Variants in LINC00237 observed in about 807,000 individuals in gnomAD.
The protein encoded by LINC00237 is long independently transcribed non-coding RNA 237, also known as long intergenic non-protein coding RNA 237.
intron 1 of LINC00237, among the ~76,000 whole-genome samples, chr20:21,105,235 C>A (rs1250211157): frequency 6.6e-6 from 1 of 152,130 alleles, no homozygotes; most frequent in East Asian, 1.9e-4. Flanking sequence ...CTGGTCAGGA[C>A]GCTTTAATTT....
At chr20:21,097,699 A>G (rs1600313324) in intron 1 of LINC00237, among the ~76,000 whole-genome samples, 1 of 152,174 alleles carries the variant, frequency 6.6e-6, no homozygotes, top group Non-Finnish European at 1.5e-5. Flanking sequence ...AACCCTATAC[A>G]GTAAAGTGGT....
At chr20:21,105,845 G>A (rs761610153) in intron 1 of LINC00237, among the ~76,000 whole-genome samples, 15 of 152,150 alleles carry the variant, frequency 9.9e-5, no homozygotes, top group Non-Finnish European at 2.2e-4. Flanking sequence ...GAACCCCGCC[G>A]AGCACTAGGC....
chr20:21,086,206 GAAAAGATAGTCTAGAAC>G (rs2030690500), intron 3 of LINC00237, among the ~76,000 whole-genome samples: 1 of 152,140 alleles, frequency 6.6e-6, no homozygotes, highest in Non-Finnish European at 1.5e-5. Context: ...GAACATATTT[GAAAAGATAGTCTAGAAC>G]AAAACCTGTT....
intron 3 of LINC00237, among the ~76,000 whole-genome samples, chr20:21,086,586 A>AG (rs2030698621): frequency 7.4e-6 from 1 of 134,248 alleles, no homozygotes; most frequent in Non-Finnish European, 1.6e-5. Flanking sequence ...GTGTATATAT[A>AG]GTATACACTA....
chr20:21,090,760 G>A (rs2030781204), intron 2 of LINC00237, among the ~76,000 whole-genome samples: 1 of 152,122 alleles, frequency 6.6e-6, no homozygotes, highest in African/African-American at 2.4e-5. Context: ...CTCCATGACT[G>A]CTTATTGATT....
intron 3 of LINC00237, among the ~76,000 whole-genome samples, chr20:21,086,777 C>T (rs2030712113): frequency 8.5e-6 from 1 of 117,132 alleles, no homozygotes; most frequent in Non-Finnish European, 1.7e-5. Context: ...CTATACTATA[C>T]ATGTACTATA....
intron 1 of LINC00237, among the ~76,000 whole-genome samples, chr20:21,102,883 C>G (rs1206067654): frequency 6.6e-6 from 1 of 152,132 alleles, no homozygotes; most frequent in African/African-American, 2.4e-5. Context: ...CGCCGGTGGC[C>G]GCTCACCCCG....
At chr20:21,095,781 C>T (rs143915697) in intron 1 of LINC00237, among the ~76,000 whole-genome samples, 47 of 152,318 alleles carry the variant, frequency 3.1e-4, no homozygotes, top group African/African-American at 9.6e-4. Flanking sequence ...AATGACCAAC[C>T]ACCAGCACCT....
At chr20:21,088,673 A>G (rs1264556004) in intron 2 of LINC00237, among the ~76,000 whole-genome samples, 2 of 152,210 alleles carry the variant, frequency 1.3e-5, no homozygotes, top group African/African-American at 4.8e-5. Flanking sequence ...GAAAAGAACA[A>G]CATGTCAAAT....
At chr20:21,086,657 G>GTATACTATATATATAGTATACTACA (rs1568883445) in intron 3 of LINC00237, among the ~76,000 whole-genome samples, 2 of 103,470 alleles carry the variant, frequency 1.9e-5, no homozygotes, top group African/African-American at 7.2e-5. Context: ...TACTATATAT[G>GTATACTATATATATAGTATACTACA]TATAGTATAC....
chr20:21,090,834 T>G (rs748327071), intron 2 of LINC00237, among the ~76,000 whole-genome samples: 3 of 152,188 alleles, frequency 2.0e-5, no homozygotes, highest in Non-Finnish European at 4.4e-5. Context: ...CTGAATTGTT[T>G]ACAAGTGTCT....
In LINC00237 at chr20:21,095,793, T is replaced by G. The variant is rs139825624; in HGVS notation, n.89-1941A>C. Among the ~76,000 whole-genome samples the G allele has an allele frequency of 5.6e-3, 856 of 152,312 alleles. 9 individuals are homozygous for G. Among genetic ancestry groups the G allele is most frequent in the African/African-American group, 0.02 (827 of 41,558 alleles). ...CTCAATGACCAACCACCAGCACCTG[T>G]GTTTCATTGCCTGGGAACTTTTTCT... On this transcript the variant is annotated intron_variant and non_coding_transcript_variant, in intron 1 of 3. Coordinates refer to ENST00000691244, the Ensembl canonical transcript of LINC00237.
At chr20:21,091,453 C>T (rs2030791613) in intron 2 of LINC00237, among the ~76,000 whole-genome samples, 1 of 152,138 alleles carries the variant, frequency 6.6e-6, no homozygotes, top group African/African-American at 2.4e-5. Context: ...TGTGCAAACC[C>T]TCCCATCCCT....
chr20:21,100,052 G>T (rs531085321), intron 1 of LINC00237, among the ~76,000 whole-genome samples: 1 of 152,226 alleles, frequency 6.6e-6, no homozygotes, highest in South Asian at 2.1e-4. Flanking sequence ...CAATTACCCC[G>T]CCCGCAGTGA....
At chr20:21,086,864 T>C (rs1216048222) in intron 3 of LINC00237, among the ~76,000 whole-genome samples, 2 of 132,346 alleles carry the variant, frequency 1.5e-5, no homozygotes, top group African/African-American at 5.6e-5. Context: ...TATATATGTA[T>C]ATAGTATACA....
chr20:21,093,263 T>TA (rs1568885165), intron 2 of LINC00237: 2 of 152,166 alleles, frequency 1.3e-5, no homozygotes, highest in Non-Finnish European at 2.9e-5. Context: ...AAATAAGTTT[T>TA]GATACAAAAA....
At chr20:21,098,880 C>T (rs775894568) in intron 1 of LINC00237, among the ~76,000 whole-genome samples, 2 of 152,182 alleles carry the variant, frequency 1.3e-5, no homozygotes, top group Non-Finnish European at 1.5e-5. Context: ...TAGAGCATCC[C>T]GAGTCTCATT....
chr20:21,102,881 G>T (rs1043028717), intron 1 of LINC00237, among the ~76,000 whole-genome samples: 3 of 152,166 alleles, frequency 2.0e-5, no homozygotes, highest in Non-Finnish European at 2.9e-5. Flanking sequence ...CTCGCCGGTG[G>T]CCGCTCACCC....
intron 1 of LINC00237, among the ~76,000 whole-genome samples, chr20:21,094,015 G>A (rs2030824259): frequency 6.6e-6 from 1 of 152,218 alleles, no homozygotes; most frequent in African/African-American, 2.4e-5. Flanking sequence ...TCATGATGGG[G>A]ATGGAGGAGA....
Sources: allele counts gnomAD v4.1 joint callset (sites outside exome capture counted in the v4.1 genomes callset), GRCh38; gene constraint gnomAD v4.1.1; transcripts MANE v1.5; gene names NCBI Gene and HGNC (gene_info 2026-07-23, HGNC 2026-07-21).